The following ANTXRL variants were observed in gnomAD, a reference collection of about 807,000 sequenced individuals.
The protein encoded by ANTXRL is anthrax toxin receptor-like.
In ANTXRL, 63 loss-of-function variants were observed where a neutral mutation model predicts 75.4. The ratio of observed to expected loss-of-function variants is 0.84; its 90% CI spans 0.68 to 1.03. ANTXRL has a LOEUF of 1.03. Among genes scored for constraint, ANTXRL ranks in the 50% least tolerant of loss-of-function variants. The pLI is 0.00. For synonymous variants in ANTXRL, 335 were observed against 291.3 expected (o/e 1.15, Z -1.53); for missense variants, 797 against 789.4 (o/e 1.01, Z -0.12).
rs1404938739 is a variant in ANTXRL at position 46,287,420 on chromosome 10, A to G, written c.158A>G (p.His53Arg). 7.8e-6 allele frequency: 12 copies of G among 1,535,686 alleles called. No homozygotes were observed. Among genetic ancestry groups the G allele is most frequent in the Non-Finnish European group, 1.0e-5 (12 of 1,146,728 alleles). ...LALGSRRAHH[H>R]HGPGWRQHWR... ...CTGGGCTCCAGGAGAGCCCACCACCACCATGGCCCAGGATGGAGGCAGCAC... is the reference window on the plus strand; with the variant it reads ...CTGGGCTCCAGGAGAGCCCACCACCGCCATGGCCCAGGATGGAGGCAGCAC... Residue 53 changes from histidine to arginine, a missense_variant, in exon 1 of 17, where the codon CAC becomes CGC. Physicochemically the swap from His to Arg is conservative, Grantham distance 29. Transcript: ENST00000620264.
At chr10:46,303,070 G>A (rs1402596846) in intron 10 of ANTXRL, among the ~76,000 whole-genome samples, 1 of 152,158 alleles carries the variant, frequency 6.6e-6, no homozygotes, top group African/African-American at 2.4e-5. Context: ...ACTCAGTGAG[G>A]CTGGGTTTAG....
chr10:46,287,596 G>T (rs868958200), intron 1 of ANTXRL, 86 bp downstream of exon 1: 8 of 1,446,656 alleles, frequency 5.5e-6, no homozygotes, highest in Middle Eastern at 1.9e-4. Context: ...CACTCAAGGA[G>T]ATGCAAGCTT....
chr10:46,313,145 G>C, intron 15 of ANTXRL, 91 bp from the exon 16 acceptor site: 1 of 1,173,578 alleles, frequency 8.5e-7, no homozygotes. Context: ...GTTTTCCTGG[G>C]CACAGAGCTG....
At chr10:46,301,040 C>T (rs1837706208) in intron 9 of ANTXRL, among the ~76,000 whole-genome samples, 1 of 149,556 alleles carries the variant, frequency 6.7e-6, no homozygotes, top group Non-Finnish European at 1.5e-5. Context: ...TGCTTGCTTG[C>T]AATACATAGT....
intron 12 of ANTXRL, chr10:46,308,727 G>A: frequency 8.8e-6 from 3 of 340,930 alleles, no homozygotes; most frequent in Non-Finnish European, 1.7e-5. Context: ...GCCTGGAAGT[G>A]GGGAGAGAGG....
rs551217306 is a variant in ANTXRL at position 46,293,365 on chromosome 10, A to T, written c.321-464A>T. ...GTGTGCGTGCATGTGTGTGCATGTG[A>T]GTGTGCCTGTGTGTGAGTGTGTGCC... On this transcript the variant is annotated intron_variant, in intron 2 of 16. Transcript: ENST00000620264. Among the ~76,000 whole-genome samples the T allele has an allele frequency of 4.6e-3, 397 of 85,942 alleles. 1 individual carries two copies. Among genetic ancestry groups the T allele is most frequent in the African/African-American group, 0.019 (370 of 19,672 alleles). The allele number at this position is 85,942 out of a possible 152,430, so 56.4% of individuals were successfully genotyped here.
Position 46,307,408 on chromosome 10 carries a change from C to T in ANTXRL, c.972C>T (p.Tyr324=), listed in dbSNP as rs1448078875. 4 of 1,535,510 alleles carry T rather than the reference C, an allele frequency of 2.6e-6. No homozygotes were observed. Among genetic ancestry groups the T allele is most frequent in the East Asian group, 2.4e-5 (1 of 40,932 alleles). The change falls in exon 12 of 17, where the codon TAC becomes TAT. Residue 324 remains tyrosine, a synonymous_variant. Coordinates refer to ENST00000620264, the MANE Select transcript of ANTXRL (RefSeq NM_001278688.3). ...GPKLEKPGEE[Y]SIEVSLNKGK... ...TGCATTTTCTATGCTTTAGGGAGTA[C>T]TCTATTGAAGTCAGCTTGAACAAAG...
intron 9 of ANTXRL, among the ~76,000 whole-genome samples, chr10:46,301,248 G>T (rs1554960471): frequency 6.6e-6 from 1 of 152,212 alleles, no homozygotes; most frequent in Non-Finnish European, 1.5e-5. Flanking sequence ...GGAAGAAGTT[G>T]CCTGGCAGCA....
At chr10:46,308,600 C>A (rs1370722785) in intron 12 of ANTXRL, 9 of 375,854 alleles carry the variant, frequency 2.4e-5, no homozygotes, top group Non-Finnish European at 4.8e-5. Flanking sequence ...TGGTTCTGAG[C>A]CAGGACTTGG....
In ANTXRL at chr10:46,316,903, G is replaced by T. The variant is rs896170360; in HGVS notation, c.1410+3587G>T. On this transcript the variant is annotated intron_variant, in intron 16 of 16. Coordinates refer to ENST00000620264, the MANE Select transcript of ANTXRL (RefSeq NM_001278688.3). ...GTTTCTGCTTACATCCCAGAGATGT[G>T]CACATCAGGTGGATTGGCGTGTCTC... 5.5e-4 allele frequency among the ~76,000 whole-genome samples: 84 copies of T among 151,956 alleles called. 1 individual carries two copies. The highest frequency in any genetic ancestry group is 1.8e-4 in the Non-Finnish European group (12 of 68,008).
intron 16 of ANTXRL, among the ~76,000 whole-genome samples, chr10:46,315,049 T>A (rs1438404885): frequency 6.6e-6 from 1 of 152,072 alleles, no homozygotes; most frequent in Admixed American, 6.6e-5. Flanking sequence ...CTGGCAGGAG[T>A]TCCCCGTTCT....
At chr10:46,287,591 A>G in intron 1 of ANTXRL, 81 bp downstream of exon 1, 2 of 1,449,650 alleles carry the variant, frequency 1.4e-6, no homozygotes, top group Non-Finnish European at 1.8e-6. Context: ...GACACCACTC[A>G]AGGAGATGCA....
intron 14 of ANTXRL, 126 bp downstream of exon 14, chr10:46,310,625 A>G: frequency 9.8e-7 from 1 of 1,022,310 alleles, no homozygotes; most frequent in Non-Finnish European, 1.5e-6. Context: ...ACAGAGGGGC[A>G]GAATGGAGCC....
Position 46,322,645 on chromosome 10 carries a change from A to T in ANTXRL, c.1411-6954A>T, listed in dbSNP as rs146959384. Among the ~76,000 whole-genome samples, 246 of 152,256 alleles carry T rather than the reference A, an allele frequency of 1.6e-3. 1 individual carries two copies. Among genetic ancestry groups the T allele is most frequent in the African/African-American group, 5.1e-3 (212 of 41,524 alleles). ...ATTCTGTTTCAGGACAAGTTGTGGG[A>T]TGCAGAGCTTTTAATAGTAGAAGCT... is the stretch of plus-strand genomic sequence containing the variant. On this transcript the variant is annotated intron_variant, in intron 16 of 16. Transcript: ENST00000620264.
intron 9 of ANTXRL, 136 bp downstream of exon 9, chr10:46,298,198 G>A: frequency 2.4e-6 from 2 of 833,328 alleles, no homozygotes; most frequent in Non-Finnish European, 3.8e-6. Context: ...GTGTGTATGT[G>A]GTGTGTATGT....
chr10:46,287,888 G>GT (rs2132627557), intron 1 of ANTXRL, among the ~76,000 whole-genome samples: 1 of 152,246 alleles, frequency 6.6e-6, no homozygotes, highest in Admixed American at 6.5e-5. Flanking sequence ...TTGCTTGTTT[G>GT]TTTTTTCACG....
At chr10:46,296,838 G>A (rs1837408281) in intron 5 of ANTXRL, among the ~76,000 whole-genome samples, 2 of 152,120 alleles carry the variant, frequency 1.3e-5, no homozygotes, top group South Asian at 4.1e-4. Flanking sequence ...GCAAGACCTG[G>A]CCCCCTGGGA....
At chr10:46,296,939 C>T (rs1441255759) in intron 5 of ANTXRL, among the ~76,000 whole-genome samples, 1 of 152,156 alleles carries the variant, frequency 6.6e-6, no homozygotes, top group Non-Finnish European at 1.5e-5. Flanking sequence ...CTGGCTGGAG[C>T]TGCCCTCAGG....
chr10:46,317,458 C>T (rs547056256), intron 16 of ANTXRL, among the ~76,000 whole-genome samples: 229 of 152,276 alleles, frequency 1.5e-3, no homozygotes, highest in Non-Finnish European at 2.3e-3. Flanking sequence ...TTAATGCAGA[C>T]GGGCCTTAGG....
Sources: allele counts gnomAD v4.1 joint callset (sites outside exome capture counted in the v4.1 genomes callset), GRCh38; gene constraint gnomAD v4.1.1; transcripts MANE v1.5; gene names NCBI Gene and HGNC (gene_info 2026-07-23, HGNC 2026-07-21).